The following PRKAR1A variants were observed in gnomAD, a reference collection of about 807,000 sequenced individuals.
PRKAR1A encodes protein kinase cAMP-dependent type I regulatory subunit alpha, also known as cAMP-dependent protein kinase type I-alpha regulatory subunit.
A neutral mutation model predicts 52.0 loss-of-function variants in PRKAR1A; 3 were observed. The observed-to-expected ratio is 0.06, with a 90% CI of 0.03 to 0.15. The LOEUF is 0.15. PRKAR1A is among the 10% of genes least tolerant of loss of function. The pLI is 1.00. For missense variants in PRKAR1A, 240 were observed against 477.4 expected, an observed-to-expected ratio of 0.50 and a Z score of 4.63; for synonymous variants, 188 against 168.4, an observed-to-expected ratio of 1.12 and a Z score of -0.90.
chr17:68,419,262 T>C, the PRKAR1A span, among the ~76,000 whole-genome samples: 1 of 152,172 alleles, frequency 6.6e-6, no homozygotes, highest in South Asian at 2.1e-4. Context: ...TTAAAGATAC[T>C]TTAAAAAATT....
At chr17:68,414,661 T>TTTGTTG in the PRKAR1A span, among the ~76,000 whole-genome samples, 1,347 of 152,136 alleles carry the variant, frequency 8.9e-3, 21 homozygotes, top group African/African-American at 0.031. Flanking sequence ...GTCCTAGACT[T>TTTGTTG]TTGTTGTTGT....
chr17:68,537,549 CT>C, downstream of PRKAR1A: 1 of 1,613,650 alleles, frequency 6.2e-7, no homozygotes, highest in Non-Finnish European at 8.5e-7. This position sits in a 1 kb window ranked among gnomAD's most constrained non-coding sequence, Gnocchi z 4.2. Flanking sequence ...TGACACTCTG[CT>C]GTCCATGGGC....
At chr17:68,510,027 T>TGGG (rs1216103483), upstream of PRKAR1A, among the ~76,000 whole-genome samples, 1 of 152,224 alleles carries the variant, frequency 6.6e-6, no homozygotes, top group Admixed American at 6.5e-5. Flanking sequence ...ACACTAATGG[T>TGGG]GGGACATAGT....
the PRKAR1A span, chr17:68,429,902 CT>C: frequency 2.5e-6 from 4 of 1,578,250 alleles, no homozygotes; most frequent in African/African-American, 1.4e-5. Flanking sequence ...GGCAAGTTTT[CT>C]TTTTTTCTTT....
chr17:68,487,756 C>T, the PRKAR1A span, among the ~76,000 whole-genome samples: 14 of 149,570 alleles, frequency 9.4e-5, no homozygotes, highest in African/African-American at 2.7e-4. Flanking sequence ...GCTGAGATCA[C>T]GCCACTGCAC....
the PRKAR1A span, among the ~76,000 whole-genome samples, chr17:68,494,928 T>C: frequency 1.3e-5 from 2 of 152,242 alleles, no homozygotes; most frequent in Non-Finnish European, 2.9e-5. Context: ...ACTTGTTAGA[T>C]AGCCGTAGAT....
the PRKAR1A span, among the ~76,000 whole-genome samples, chr17:68,499,559 G>T: frequency 1.3e-5 from 2 of 152,240 alleles, no homozygotes; most frequent in Non-Finnish European, 2.9e-5. Flanking sequence ...ATCCATCAGG[G>T]TTGCTTACTA....
At chr17:68,429,212 T>C in the PRKAR1A span, among the ~76,000 whole-genome samples, 1 of 152,192 alleles carries the variant, frequency 6.6e-6, no homozygotes, top group African/African-American at 2.4e-5. Context: ...AGTGAACACA[T>C]TAGCTCCCTA....
chr17:68,449,456 A>G, the PRKAR1A span, among the ~76,000 whole-genome samples: 5 of 152,186 alleles, frequency 3.3e-5, no homozygotes, highest in Non-Finnish European at 5.9e-5. Context: ...GAAACACTGT[A>G]ATATGATTCA....
At position 68,531,095 on chromosome 17, in the gene PRKAR1A, G is replaced by A. The variant is rs2085962566; in HGVS notation, c.*646G>A. Reference sequence around the variant, plus strand: ...GTTTTATTTATATCTTGTTATTAATGTTTCTTCTCCAATTCTGAAATACTT... The same window carrying A: ...GTTTTATTTATATCTTGTTATTAATATTTCTTCTCCAATTCTGAAATACTT... On this transcript the variant is annotated 3_prime_UTR_variant, in exon 11 of 11. Transcript: ENST00000589228. The A allele has an allele frequency of 9.4e-7, 1 of 1,065,918 alleles. No individual in the cohort carries two copies. The highest frequency in any genetic ancestry group is 1.1e-6 in the Non-Finnish European group (1 of 879,758). The allele number at this position is 1,065,918 out of a possible 1,614,324, so 66.0% of individuals were successfully genotyped here.
At chr17:68,457,226 G>A in the PRKAR1A span, 5 of 1,263,192 alleles carry the variant, frequency 4.0e-6, no homozygotes, top group South Asian at 5.4e-5. Context: ...AGCAGACACC[G>A]GCCCTCCCGC....
the PRKAR1A span, among the ~76,000 whole-genome samples, chr17:68,438,090 A>C: frequency 2.6e-5 from 4 of 152,306 alleles, no homozygotes; most frequent in African/African-American, 9.6e-5. Context: ...AGGAGAGCAA[A>C]GGAAAAAGAA....
the PRKAR1A span, among the ~76,000 whole-genome samples, chr17:68,486,506 C>CTTCCTTCCTTCCTTCT: frequency 6.2e-5 from 3 of 48,250 alleles, no homozygotes; most frequent in African/African-American, 2.4e-4. Context: ...TCCTTCCTTC[C>CTTCCTTCCTTCCTTCT]TTCTTTCTTT....
In PRKAR1A at chr17:68,532,660, C is replaced by T. The variant is rs1239235900; in HGVS notation, c.*2211C>T. 2.8e-6 allele frequency: 3 copies of T among 1,066,178 alleles called. No individual in the cohort carries two copies. Among genetic ancestry groups the T allele is most frequent in the Non-Finnish European group, 3.4e-6 (3 of 879,696 alleles). 66.0% of individuals were successfully genotyped at this position (1,066,178 alleles called of 1,614,324 possible). A position where few individuals can be genotyped will look rare whatever the true frequency, so the allele number is the denominator to read the frequency against. On this transcript the variant is annotated 3_prime_UTR_variant, in exon 11 of 11. Coordinates refer to ENST00000589228, the MANE Select transcript of PRKAR1A (RefSeq NM_002734.5). ...GCCAAAGGACCGTTTTGTATTGCTT[C>T]CTGATTACCAGTCTGATTATACCAT...
the PRKAR1A span, among the ~76,000 whole-genome samples, chr17:68,498,219 G>A: frequency 2.5e-3 from 387 of 152,196 alleles, 1 homozygote; most frequent in East Asian, 0.019. Flanking sequence ...CCTTGCCTTC[G>A]TTTTCACTTT....
At chr17:68,540,414 G>A (rs2143467986) in intron 11 of PRKAR1A, 1 of 457,300 alleles carries the variant, frequency 2.2e-6, no homozygotes, top group Non-Finnish European at 4.4e-6. Context: ...CTGTATGACG[G>A]CCACCTTCAT....
At chr17:68,452,298 C>T in the PRKAR1A span, among the ~76,000 whole-genome samples, 3 of 152,228 alleles carry the variant, frequency 2.0e-5, no homozygotes, top group Non-Finnish European at 2.9e-5. Flanking sequence ...GGTGAGGTGG[C>T]TCACGCCTGT....
chr17:68,460,253 C>G, the PRKAR1A span, among the ~76,000 whole-genome samples: 1 of 152,078 alleles, frequency 6.6e-6, no homozygotes, highest in Non-Finnish European at 1.5e-5. Flanking sequence ...TCAGTAGAGT[C>G]TTGAGGGACT....
the PRKAR1A span, among the ~76,000 whole-genome samples, chr17:68,439,747 C>G: frequency 1.3e-5 from 2 of 152,180 alleles, no homozygotes; most frequent in Non-Finnish European, 2.9e-5. Flanking sequence ...TACTGTGAAA[C>G]TCTGGCCGAG....
Sources: gnomAD v4.1 joint callset for allele counts (sites outside exome capture counted in the v4.1 genomes callset) on GRCh38, gnomAD v4.1.1 for gene constraint, Gnocchi (gnomAD v3.1) non-coding constraint, MANE v1.5 for transcripts, NCBI Gene and HGNC (gene_info 2026-07-23, HGNC 2026-07-21) for gene names.